The following ZC3H18 variants were observed in gnomAD, a reference collection of about 807,000 sequenced individuals.
ZC3H18 encodes zinc finger CCCH domain-containing protein 18.
A neutral mutation model predicts 106.1 loss-of-function variants in ZC3H18; 8 were observed. That is an observed-to-expected ratio of 0.08 (90% confidence interval 0.04 to 0.14). The LOEUF (loss-of-function observed/expected upper bound fraction) is 0.14. ZC3H18 is among the 10% of genes least tolerant of loss of function. The probability of loss-of-function intolerance (pLI) is 1.00; values close to 1 mark genes in which losing one functional copy is unlikely to be tolerated. For missense variants in ZC3H18, 1,318 were observed against 1,278.4 expected, an observed-to-expected ratio of 1.03 and a Z score of -0.47; for synonymous variants, 635 against 522.1, an observed-to-expected ratio of 1.22 and a Z score of -2.95.
chr16:88,601,144 C>T (rs936708845), intron 6 of ZC3H18, among the ~76,000 whole-genome samples: 1 of 152,260 alleles, frequency 6.6e-6, no homozygotes, highest in African/African-American at 2.4e-5. Flanking sequence ...GTGGCCCACA[C>T]CTGCCCCAGC....
intron 8 of ZC3H18, among the ~76,000 whole-genome samples, chr16:88,618,115 G>A (rs1468297968): frequency 6.6e-6 from 1 of 152,234 alleles, no homozygotes; most frequent in Non-Finnish European, 1.5e-5. Context: ...GCAGGTGTGA[G>A]TGAGGCCGCC....
chr16:88,621,210 A>G (rs1905935396), intron 8 of ZC3H18, among the ~76,000 whole-genome samples: 1 of 148,938 alleles, frequency 6.7e-6, no homozygotes, highest in Non-Finnish European at 1.5e-5. Flanking sequence ...ACATCCAACT[A>G]ATTTTTGTTT....
intron 2 of ZC3H18, among the ~76,000 whole-genome samples, chr16:88,578,057 T>C (rs1353478645): frequency 6.6e-6 from 1 of 152,236 alleles, no homozygotes; most frequent in Non-Finnish European, 1.5e-5. Context: ...TGTCTGTCCT[T>C]GTCTTTGCCG....
Position 88,627,867 on chromosome 16 carries a change from T to C in ZC3H18, c.2270-53T>C, listed in dbSNP as rs1216586216. The stretch of plus-strand genomic sequence containing the variant: ...CACAGACTTTGCCTGGCTGTTGGTG[T>C]GGCCATGGGAAAATCACCAGTACCC... On this transcript the variant is annotated intron_variant, in intron 14 of 17. Transcript: ENST00000301011. This position sits in a 1 kb window ranked among gnomAD's most constrained non-coding sequence, Gnocchi z 4.5. 1.9e-6 allele frequency: 3 copies of C among 1,612,834 alleles called. No individual in the cohort carries two copies. The highest frequency in any genetic ancestry group is 2.5e-6 in the Non-Finnish European group (3 of 1,179,450).
intron 16 of ZC3H18, chr16:88,630,191 C>A: frequency 2.6e-6 from 1 of 383,286 alleles, no homozygotes; most frequent in Non-Finnish European, 4.7e-6. Flanking sequence ...ATTTGAAGAC[C>A]CATGTGATAA....
intron 7 of ZC3H18, 101 bp downstream of exon 7, chr16:88,609,152 A>G (rs544292508): frequency 1.1e-6 from 1 of 938,400 alleles, no homozygotes; most frequent in Admixed American, 2.5e-5. Flanking sequence ...ATATGAGCTT[A>G]TAGAGCCAGC....
At chr16:88,630,670 A>G (rs1906608106) in intron 17 of ZC3H18, 89 bp downstream of exon 17, 4 of 1,180,380 alleles carry the variant, frequency 3.4e-6, no homozygotes, top group South Asian at 1.3e-5. Context: ...CAGGGCTAGC[A>G]CTGGGCCAGG....
chr16:88,582,720 A>G (rs1173302828), intron 2 of ZC3H18, among the ~76,000 whole-genome samples: 2 of 152,122 alleles, frequency 1.3e-5, no homozygotes, highest in Non-Finnish European at 2.9e-5. Context: ...AGCCACATGA[A>G]AAAGCGCAGG....
chr16:88,614,179 A>G (rs1905436084), intron 8 of ZC3H18, among the ~76,000 whole-genome samples: 2 of 152,176 alleles, frequency 1.3e-5, no homozygotes, highest in African/African-American at 4.8e-5. Context: ...TTCCAGTAAC[A>G]CTGGACTCCG....
In ZC3H18 at chr16:88,577,561, G is replaced by C. The variant is rs753545134; in HGVS notation, c.438G>C (p.Glu146Asp). ...EEPAPAVQED[E>D]AEKAGAEDDE... is the part of the protein sequence containing the mutation. The stretch of plus-strand genomic sequence containing the variant: ...CAGCTCCCGCCGTCCAGGAGGACGA[G>C]GCTGAGAAAGCGGGGGCTGAGGATG... Residue 146 changes from glutamate to aspartate, a missense_variant, in exon 2 of 18, where the codon GAG becomes GAC. This residue lies in a region of ZC3H18 where 346 missense variants were observed against 269.0 expected (regional missense o/e 1.29). Coordinates refer to ENST00000301011, the MANE Select transcript of ZC3H18 (RefSeq NM_144604.4). 13 of 1,613,512 alleles carry C rather than the reference G, an allele frequency of 8.1e-6. No homozygotes were observed. The highest frequency in any genetic ancestry group is 1.0e-5 in the Non-Finnish European group (12 of 1,179,876).
intron 8 of ZC3H18, among the ~76,000 whole-genome samples, chr16:88,621,267 C>T (rs1474416972): frequency 4.0e-5 from 6 of 151,590 alleles, no homozygotes; most frequent in Admixed American, 3.9e-4. Context: ...CTCTGTCGCC[C>T]AGGCTGGAGT....
rs373191878 is a variant in ZC3H18 at position 88,624,664 on chromosome 16, C to T, written c.1961C>T (p.Ala654Val). 45 of 1,613,866 alleles carry T rather than the reference C, an allele frequency of 2.8e-5. No homozygotes were observed. The highest frequency in any genetic ancestry group is 3.6e-5 in the Non-Finnish European group (43 of 1,180,002). Residue 654 changes from alanine to valine, a missense_variant, in exon 12 of 18, where the codon GCT becomes GTT. By Grantham distance (64) the Ala-to-Val change is moderately conservative. This residue lies in a region of ZC3H18 where 848 missense variants were observed against 821.7 expected (regional missense o/e 1.03). Coordinates refer to ENST00000301011, the MANE Select transcript of ZC3H18 (RefSeq NM_144604.4). ...CCACCACAGGCCACCAAAACCACTG[C>T]TCCTGTCCCCGAGCCCACCAAGCCA... ...PAPPQATKTTAPVPEPTKPGD... is the reference protein window; with the variant it reads ...PAPPQATKTTVPVPEPTKPGD...
intron 6 of ZC3H18, among the ~76,000 whole-genome samples, chr16:88,608,125 A>G (rs1300366623): frequency 2.6e-5 from 4 of 152,154 alleles, no homozygotes; most frequent in African/African-American, 9.6e-5. Context: ...CATGTATAGT[A>G]TCATATCATT....
At chr16:88,621,086 C>G (rs1905928023) in intron 8 of ZC3H18, among the ~76,000 whole-genome samples, 1 of 152,108 alleles carries the variant, frequency 6.6e-6, no homozygotes, top group Non-Finnish European at 1.5e-5. Flanking sequence ...GCTCTGTCGC[C>G]CAGATTGGAG....
rs763726758 is a variant in ZC3H18 at position 88,611,374 on chromosome 16, G to T, written c.1313G>T (p.Arg438Leu). 1.9e-6 allele frequency: 2 copies of T among 1,028,260 alleles called. No individual in the cohort carries two copies. Among genetic ancestry groups the T allele is most frequent in the Non-Finnish European group, 3.0e-6 (2 of 669,318 alleles). 63.7% of individuals were successfully genotyped at this position (1,028,260 alleles called of 1,614,324 possible). ...ERRQRERERE[R>L]ERERDKERQR... ...CGGCAGAGGGAGCGCGAGCGAGAGC[G>T]GGAGCGCGAGCGCGACAAGGAGCGG... Residue 438 changes from arginine to leucine, a missense_variant, in exon 8 of 18, where the codon CGG becomes CTG. Arg to Leu is a moderately radical substitution (Grantham distance 102). Coordinates refer to ENST00000301011, the MANE Select transcript of ZC3H18 (RefSeq NM_144604.4).
At chr16:88,590,360 A>G (rs945520358) in intron 3 of ZC3H18, among the ~76,000 whole-genome samples, 26 of 152,286 alleles carry the variant, frequency 1.7e-4, no homozygotes, top group African/African-American at 6.3e-4. Context: ...CTGGGAACAC[A>G]CCTTGCTCAC....
chr16:88,619,774 C>T (rs1323488757), intron 8 of ZC3H18, among the ~76,000 whole-genome samples: 13 of 152,174 alleles, frequency 8.5e-5, no homozygotes, highest in Admixed American at 7.2e-4. Flanking sequence ...GTGGTCCTGA[C>T]CACGCCTTGA....
intron 8 of ZC3H18, among the ~76,000 whole-genome samples, chr16:88,617,409 A>G (rs1025174620): frequency 9.2e-5 from 14 of 152,204 alleles, no homozygotes; most frequent in Admixed American, 7.2e-4. Context: ...CTTTCAATCA[A>G]TTCTATCAAA....
rs1326669169 is a variant in ZC3H18 at position 88,625,199 on chromosome 16, C to T, written c.2043-3C>T. 1.1e-5 allele frequency: 17 copies of T among 1,583,454 alleles called. No individual in the cohort carries two copies. Among genetic ancestry groups the T allele is most frequent in the East Asian group, 7.0e-5 (3 of 43,084 alleles). Reference sequence around the variant, plus strand: ...CTGAGCCCCGCTGTTGCTTGTATTACAGGCGGACGCTAAGCGGCAGCGGCA... The same window carrying T: ...CTGAGCCCCGCTGTTGCTTGTATTATAGGCGGACGCTAAGCGGCAGCGGCA... On this transcript the variant is annotated splice_polypyrimidine_tract_variant and splice_region_variant and intron_variant, in intron 12 of 17. Transcript: ENST00000301011.
Sources: gnomAD v4.1 joint callset for allele counts (sites outside exome capture counted in the v4.1 genomes callset) on GRCh38, gnomAD v4.1.1 for gene constraint, gnomAD v4.1.1 regional missense constraint, Gnocchi (gnomAD v3.1) non-coding constraint, MANE v1.5 for transcripts, NCBI Gene and HGNC (gene_info 2026-07-23, HGNC 2026-07-21) for gene names.